ALK: variants seen among roughly 807,000 people sequenced by gnomAD.
ALK encodes the protein ALK receptor tyrosine kinase, also known as ALK tyrosine kinase receptor.
In ALK, 74 loss-of-function variants were observed where a neutral mutation model predicts 163.1. That is an observed-to-expected ratio of 0.45 (90% CI 0.38 to 0.55). The LOEUF (loss-of-function observed/expected upper bound fraction) is 0.55. Ranked by LOEUF, ALK falls within the 20% of genes least tolerant of loss-of-function variation. The pLI, the probability that ALK is intolerant of heterozygous loss-of-function variation, is 0.00. For missense variants in ALK, 2,063 were observed against 2,105.3 expected, an observed-to-expected ratio of 0.98 and a Z score of 0.39; for synonymous variants, 960 against 843.2, an observed-to-expected ratio of 1.14 and a Z score of -2.40.
chr2:29,747,494 C>T (rs1680235680), intron 1 of ALK, among the ~76,000 whole-genome samples: 1 of 152,182 alleles, frequency 6.6e-6, no homozygotes, highest in African/African-American at 2.4e-5. Context: ...AGGAGGAGAG[C>T]ATCTCTTGGA....
chr2:29,509,567 T>C (rs1331365363), intron 4 of ALK, among the ~76,000 whole-genome samples: 1 of 152,210 alleles, frequency 6.6e-6, no homozygotes, highest in Admixed American at 6.5e-5. Flanking sequence ...GGAACTTTTA[T>C]ACTTTTATTC....
rs140604733 is a variant in ALK at position 29,412,823 on chromosome 2, C to T, written c.1155-28964G>A. On this transcript the variant is annotated intron_variant, in intron 4 of 28. Coordinates refer to ENST00000389048, the MANE Select transcript of ALK (RefSeq NM_004304.5). ...AAGCTTTTTGCTTTGGCCATGGTTG[C>T]CATGGTGCTGAGAGGGATACACTTC... Among the ~76,000 whole-genome samples, 44 of 152,304 alleles carry T rather than the reference C, an allele frequency of 2.9e-4. 1 individual carries two copies. The highest frequency in any genetic ancestry group is 9.9e-4 in the African/African-American group (41 of 41,568).
At chr2:29,419,628 C>A (rs1669969135) in intron 4 of ALK, among the ~76,000 whole-genome samples, 1 of 151,284 alleles carries the variant, frequency 6.6e-6, no homozygotes, top group African/African-American at 2.5e-5. Flanking sequence ...TTTGTAAGGA[C>A]CTTAACTGCT....
Position 29,463,499 on chromosome 2 carries a change from A to T in ALK, c.1154+68416T>A, listed in dbSNP as rs116328118. Among the ~76,000 whole-genome samples, 1,036 of 152,322 alleles carry T rather than the reference A, an allele frequency of 6.8e-3. 22 individuals are homozygous for T. The highest frequency in any genetic ancestry group is 0.023 in the African/African-American group (970 of 41,564). On this transcript the variant is annotated intron_variant, in intron 4 of 28. Coordinates refer to ENST00000389048, the MANE Select transcript of ALK (RefSeq NM_004304.5). ...TGTTACAAAGAAATAGAAAGCTGGA[A>T]ATCTAGAAAAAATGGTGGGTTTCAG...
At chr2:29,857,385 G>C (rs1666167381) in intron 1 of ALK, among the ~76,000 whole-genome samples, 1 of 152,084 alleles carries the variant, frequency 6.6e-6, no homozygotes, top group Non-Finnish European at 1.5e-5. Flanking sequence ...ATGTTTCAGT[G>C]GCCAAAAATG....
chr2:29,434,769 G>A (rs552036502), intron 4 of ALK, among the ~76,000 whole-genome samples: 1 of 152,274 alleles, frequency 6.6e-6, no homozygotes, highest in Admixed American at 6.5e-5. Context: ...ATGGAGGCTC[G>A]CCTTTCAATT....
chr2:29,675,533 C>A (rs1417448574), intron 3 of ALK, among the ~76,000 whole-genome samples: 4 of 151,990 alleles, frequency 2.6e-5, no homozygotes, highest in Non-Finnish European at 4.4e-5. Flanking sequence ...AGGTCCGAAC[C>A]CTCAGTACCT....
In ALK at chr2:29,224,783, G is replaced by A. The variant is rs533369666; in HGVS notation, c.3172+678C>T. Reference sequence around the variant, plus strand: ...GTCCCTTTGAGGGATGGCACCATATGGGGACACAGTGTGTGCTGCCATCTC... The same window carrying A: ...GTCCCTTTGAGGGATGGCACCATATAGGGACACAGTGTGTGCTGCCATCTC... On this transcript the variant is annotated intron_variant, in intron 19 of 28. Transcript: ENST00000389048. The A allele has an allele frequency of 7.6e-4, 164 of 217,054 alleles. No homozygotes were observed. The highest frequency in any genetic ancestry group is 1.5e-3 in the Middle Eastern group (1 of 684). The allele number at this position is 217,054 out of a possible 1,614,324, so 13.4% of individuals were successfully genotyped here.
intron 4 of ALK, among the ~76,000 whole-genome samples, chr2:29,444,618 T>C (rs1407940758): frequency 6.6e-6 from 1 of 152,256 alleles, no homozygotes; most frequent in Non-Finnish European, 1.5e-5. Flanking sequence ...ATTGCATCAG[T>C]AATTGAGATA....
chr2:29,733,015 G>C (rs1315740362), intron 1 of ALK, among the ~76,000 whole-genome samples: 1 of 152,030 alleles, frequency 6.6e-6, no homozygotes, highest in Non-Finnish European at 1.5e-5. Context: ...GACCAACAGA[G>C]AGAAGCACTA....
At chr2:29,321,999 GCTCA>G (rs1667067926) in intron 6 of ALK, among the ~76,000 whole-genome samples, 2 of 152,198 alleles carry the variant, frequency 1.3e-5, no homozygotes, top group Non-Finnish European at 2.9e-5. Flanking sequence ...ACTTTCTCCA[GCTCA>G]CTCTGAGCAT....
At chr2:29,627,285 C>A (rs563195730) in intron 3 of ALK, among the ~76,000 whole-genome samples, 11 of 152,270 alleles carry the variant, frequency 7.2e-5, no homozygotes, top group Non-Finnish European at 1.6e-4. Flanking sequence ...TACACAGTAC[C>A]CAGAGAGGAC....
At chr2:29,290,289 T>A (rs866776168) in intron 9 of ALK, among the ~76,000 whole-genome samples, 8 of 152,214 alleles carry the variant, frequency 5.3e-5, no homozygotes, top group Admixed American at 2.6e-4. Flanking sequence ...GAACCTTGTG[T>A]TGTGAAGGAG....
At position 29,193,510 on chromosome 2, in the gene ALK, T is replaced by G. The variant is rs1306094937; in HGVS notation, c.4577A>C (p.Glu1526Ala). ...TKKNNPIAKKEPHDRGNLGLE... is the reference protein window; with the variant it reads ...TKKNNPIAKKAPHDRGNLGLE... ...CCCCAGGTTACCCCTGTCGTGTGGC[T>G]CCTTCTTTGCTATAGGATTATTCTT... The change falls in exon 29 of 29, where the codon GAG (glutamate) becomes GCG (alanine). Residue 1526 changes from glutamate to alanine, a missense_variant. Physicochemically the swap from Glu to Ala is moderately radical, Grantham distance 107. This residue lies in a region of ALK where 403 missense variants were observed against 366.2 expected (regional missense o/e 1.10). Coordinates refer to ENST00000389048, the MANE Select transcript of ALK (RefSeq NM_004304.5). 3 of 1,614,064 alleles carry G rather than the reference T, an allele frequency of 1.9e-6. No homozygotes were observed. The highest frequency in any genetic ancestry group is 2.7e-5 in the African/African-American group (2 of 74,932).
At chr2:29,712,711 G>A (rs1216952881) in intron 2 of ALK, among the ~76,000 whole-genome samples, 1 of 152,034 alleles carries the variant, frequency 6.6e-6, no homozygotes, top group African/African-American at 2.4e-5. Context: ...TGGTGGCAGT[G>A]GCAGGGAAAG....
chr2:29,216,934 GGTGT>G (rs1491073666), intron 23 of ALK, among the ~76,000 whole-genome samples: 1 of 9,444 alleles, frequency 1.1e-4, no homozygotes, highest in African/African-American at 2.9e-4. Context: ...GTGTGTGGGG[GGTGT>G]GTGTGTGGCA....
chr2:29,235,809 T>C (rs975143477), intron 13 of ALK, among the ~76,000 whole-genome samples: 3 of 149,948 alleles, frequency 2.0e-5, no homozygotes, highest in African/African-American at 7.3e-5. Context: ...CATCCTGCCT[T>C]AGTCTCCAGA....
chr2:29,715,471 G>T (rs944278650), intron 2 of ALK, among the ~76,000 whole-genome samples: 20 of 152,332 alleles, frequency 1.3e-4, no homozygotes, highest in African/African-American at 4.8e-4. Flanking sequence ...TAAGGAGGAT[G>T]AAGCTCAGGG....
At chr2:29,256,722 T>G (rs954910041) in intron 11 of ALK, among the ~76,000 whole-genome samples, 5 of 151,422 alleles carry the variant, frequency 3.3e-5, no homozygotes, top group Admixed American at 6.6e-5. Flanking sequence ...AGGGGACAGG[T>G]GAGAGTATGG....
Sources: allele counts gnomAD v4.1 joint callset (sites outside exome capture counted in the v4.1 genomes callset), GRCh38; gene constraint gnomAD v4.1.1; regional missense constraint gnomAD v4.1.1; transcripts MANE v1.5; gene names NCBI Gene and HGNC (gene_info 2026-07-23, HGNC 2026-07-21).